Variants in ADAMTS15 observed in about 807,000 individuals in gnomAD.
The protein encoded by ADAMTS15 is ADAM metallopeptidase with thrombospondin type 1 motif 15.
A neutral mutation model predicts 79.1 loss-of-function variants in ADAMTS15; 35 were observed. The observed-to-expected ratio is 0.44, with a 90% CI of 0.34 to 0.59. The LOEUF (loss-of-function observed/expected upper bound fraction) is 0.59. Among genes scored for constraint, ADAMTS15 ranks in the 20% least tolerant of loss-of-function variants. The pLI, the probability that ADAMTS15 is intolerant of heterozygous loss-of-function variation, is 0.02. For missense variants in ADAMTS15, 1,324 were observed against 1,318.7 expected, an observed-to-expected ratio of 1.00 and a Z score of -0.06; for synonymous variants, 616 against 567.3, an observed-to-expected ratio of 1.09 and a Z score of -1.22.
intron 1 of ADAMTS15, among the ~76,000 whole-genome samples, chr11:130,456,624 A>G (rs117278389): frequency 0.023 from 3,504 of 152,328 alleles, 63 homozygotes; most frequent in South Asian, 0.062. Flanking sequence ...CAGTAGTAAT[A>G]CTAGCGCAGG....
chr11:130,456,154 G>A (rs1424603662), intron 1 of ADAMTS15, among the ~76,000 whole-genome samples: 2 of 152,140 alleles, frequency 1.3e-5, no homozygotes, highest in East Asian at 3.8e-4. Flanking sequence ...TCTTCCTACA[G>A]CTGTGAGGAT....
chr11:130,471,882 A>T (rs1453149222), intron 7 of ADAMTS15, among the ~76,000 whole-genome samples: 1 of 152,264 alleles, frequency 6.6e-6, no homozygotes, highest in Non-Finnish European at 1.5e-5. Context: ...GATGAGGCTG[A>T]ACGTGACAGC....
rs1228629218 is a variant in ADAMTS15, at chr11:130,472,099, G to T, written c.2078+716G>T. Among the ~76,000 whole-genome samples, 1 of 152,246 alleles carries T rather than the reference G, an allele frequency of 6.6e-6. No individual in the cohort carries two copies. ...AGGTCAAACATATGCTCCTTGGAAA[G>T]CCCTGACCCACGTTCTAGAAGAAGA... On this transcript the variant is annotated intron_variant, in intron 7 of 7. Transcript: ENST00000299164. The surrounding 1 kb of genome is among the most constrained non-coding windows in gnomAD (Gnocchi z 4.7).
At position 130,462,726 on chromosome 11, in the gene ADAMTS15, C is replaced by T. The variant is rs750077094; in HGVS notation, c.1488C>T (p.Gly496=). The change falls in exon 4 of 8, where the codon GGC becomes GGT. Residue 496 remains glycine (G), a synonymous_variant. Coordinates refer to ENST00000299164, the MANE Select transcript of ADAMTS15 (RefSeq NM_139055.4). This position sits in a 1 kb window ranked among gnomAD's most constrained non-coding sequence, Gnocchi z 4.3. ...CCGATGGCACCAGCTGTGGCGAGGGCAAGCTCTGCCTCAAAGGGGCCTGCG... is the reference window on the plus strand; with the variant it reads ...CCGATGGCACCAGCTGTGGCGAGGGTAAGCTCTGCCTCAAAGGGGCCTGCG... ...PWADGTSCGE[G]KLCLKGACVE... is the part of the protein sequence containing the mutation. The T allele has an allele frequency of 8.1e-6, 13 of 1,608,078 alleles. No individual in the cohort carries two copies. Among genetic ancestry groups the T allele is most frequent in the Non-Finnish European group, 9.4e-6 (11 of 1,175,206 alleles).
Position 130,462,610 on chromosome 11 carries a change from C to T in ADAMTS15, c.1372C>T (p.Pro458Ser). 4 of 1,613,972 alleles carry T rather than the reference C, an allele frequency of 2.5e-6. No homozygotes were observed. Among genetic ancestry groups the T allele is most frequent in the Non-Finnish European group, 3.4e-6 (4 of 1,179,932 alleles). The part of the protein sequence containing the change: ...CELAFGVGSK[P>S]CPYMQYCTKL... ...GCTGGCTTTTGGCGTGGGCTCCAAG[C>T]CCTGTCCTTACATGCAGTACTGCAC... The change falls in exon 4 of 8, where the codon CCC (proline) becomes TCC (serine). Residue 458 changes from proline to serine, a missense_variant. Physicochemically the swap from Pro to Ser is moderately conservative, Grantham distance 74 (BLOSUM62 -1). Transcript: ENST00000299164. The surrounding 1 kb of genome is among the most constrained non-coding windows in gnomAD (Gnocchi z 4.3).
chr11:130,449,093 C>T lies in ADAMTS15; in HGVS notation c.120C>T (p.Tyr40=), dbSNP rs774653442. 8 of 1,582,946 alleles carry T rather than the reference C, an allele frequency of 5.1e-6. No homozygotes were observed. In the South Asian group the frequency reaches 8.0e-5, roughly 16 times the overall value. ...RLDPDINGRR[Y]YWRGPEDSGD... is the part of the protein sequence containing the mutation. The stretch of plus-strand genomic sequence containing the variant: ...ACCCGGACATTAACGGCCGCCGCTA[C>T]TACTGGCGGGGTCCCGAGGACTCCG... Residue 40 remains tyrosine (Y), a synonymous_variant, in exon 1 of 8, where the codon TAC becomes TAT. Coordinates refer to ENST00000299164, the MANE Select transcript of ADAMTS15 (RefSeq NM_139055.4). This position sits in a 1 kb window ranked among gnomAD's most constrained non-coding sequence, Gnocchi z 7.8.
chr11:130,470,136 A>ATATATATATATATACG (rs1565397522), intron 5 of ADAMTS15, among the ~76,000 whole-genome samples: 9 of 63,986 alleles, frequency 1.4e-4, no homozygotes, highest in African/African-American at 4.6e-4. Flanking sequence ...ATATATACAT[A>ATATATATATATATACG]TATATATATA....
At chr11:130,455,809 G>A (rs1321073487) in intron 1 of ADAMTS15, among the ~76,000 whole-genome samples, 1 of 152,172 alleles carries the variant, frequency 6.6e-6, no homozygotes, top group Admixed American at 6.5e-5. Flanking sequence ...CAAGGAGCCG[G>A]GGGCTCGTTC....
At position 130,448,907 on chromosome 11, in the gene ADAMTS15, C is replaced by A; in HGVS notation, c.-67C>A. 7.8e-7 allele frequency: 1 copy of A among 1,289,250 alleles called. No homozygotes were observed. The highest frequency in any genetic ancestry group is 1.0e-6 in the Non-Finnish European group (1 of 977,734). 79.9% of individuals were successfully genotyped at this position (1,289,250 alleles called of 1,614,324 possible). On this transcript the variant is annotated 5_prime_UTR_variant, in exon 1 of 8. Coordinates refer to ENST00000299164, the MANE Select transcript of ADAMTS15 (RefSeq NM_139055.4). Reference sequence around the variant, plus strand: ...TTCCAGAGTGCGGGCTGCACGGAGACCGCGGCAGCGGCCGGAGAGCCCGGC... The same window carrying A: ...TTCCAGAGTGCGGGCTGCACGGAGAACGCGGCAGCGGCCGGAGAGCCCGGC...
In ADAMTS15 at chr11:130,468,026, C is replaced by T. The variant is rs1481390589; in HGVS notation, c.1543-1236C>T. ...CACGTCTATGGTGACATTTTTTATC[C>T]GCAGGGCTGGGGGTGGCCATGCCTT... On this transcript the variant is annotated intron_variant, in intron 4 of 7. Coordinates refer to ENST00000299164, the MANE Select transcript of ADAMTS15 (RefSeq NM_139055.4). Among the ~76,000 whole-genome samples, 10 of 152,120 alleles carry T rather than the reference C, an allele frequency of 6.6e-5. 1 individual carries two copies. The highest frequency in any genetic ancestry group is 6.2e-4 in the South Asian group (3 of 4,822).
intron 1 of ADAMTS15, among the ~76,000 whole-genome samples, chr11:130,460,346 G>A (rs546365296): frequency 2.5e-3 from 374 of 148,056 alleles, no homozygotes; most frequent in Non-Finnish European, 4.1e-3. Context: ...GTGTGATCTT[G>A]GCTCACTGCA....
chr11:130,469,167 G>T, intron 4 of ADAMTS15, 95 bp from the exon 5 acceptor site: 4 of 1,158,754 alleles, frequency 3.5e-6, no homozygotes, highest in Non-Finnish European at 4.5e-6. Flanking sequence ...GGTGGGATGA[G>T]AACTTGGAGG....
At chr11:130,455,016 A>G (rs1335233241) in intron 1 of ADAMTS15, among the ~76,000 whole-genome samples, 1 of 151,936 alleles carries the variant, frequency 6.6e-6, no homozygotes, top group Non-Finnish European at 1.5e-5. Flanking sequence ...GAAAGAACAC[A>G]GGCTTGGAGT....
chr11:130,461,657 G>A, intron 2 of ADAMTS15, 36 bp downstream of exon 2: 2 of 1,611,600 alleles, frequency 1.2e-6, no homozygotes. Flanking sequence ...GGTCTTCTGG[G>A]TTTGCCTGGG....
Position 130,462,924 on chromosome 11 carries a change from C to CAA in ADAMTS15, c.1542+144_1542+145insAA. On this transcript the variant is annotated intron_variant, in intron 4 of 7. Coordinates refer to ENST00000299164, the MANE Select transcript of ADAMTS15 (RefSeq NM_139055.4). This position sits in a 1 kb window ranked among gnomAD's most constrained non-coding sequence, Gnocchi z 4.3. Reference sequence around the variant, plus strand: ...AGCACTGTTGCATGGCTGAGCTGTGCCTTCACTGCCCTGTATATAGTCCTA... The same window carrying CAA: ...AGCACTGTTGCATGGCTGAGCTGTGCAACTTCACTGCCCTGTATATAGTCCTA... 9.1e-7 allele frequency: 1 copy of CAA among 1,093,134 alleles called. No homozygotes were observed. Among genetic ancestry groups the CAA allele is most frequent in the Non-Finnish European group, 1.3e-6 (1 of 770,182 alleles). 67.7% of individuals were successfully genotyped at this position (1,093,134 alleles called of 1,614,324 possible).
rs2134714065 is a variant in ADAMTS15 at position 130,449,964 on chromosome 11, A to G, written c.957+34A>G. ...ATCTGCCGTCACTTTGCACCCAGAT[A>G]GTCCCGTTCTTTAGGGTCACCTCCC... On this transcript the variant is annotated intron_variant, in intron 1 of 7. Transcript: ENST00000299164. This position sits in a 1 kb window ranked among gnomAD's most constrained non-coding sequence, Gnocchi z 7.8. 1 of 1,586,908 alleles carries G rather than the reference A, an allele frequency of 6.3e-7. No homozygotes were observed. The highest frequency in any genetic ancestry group is 8.5e-7 in the Non-Finnish European group (1 of 1,171,012).
Position 130,462,893 on chromosome 11 carries a change from G to C in ADAMTS15, c.1542+113G>C, listed in dbSNP as rs1378852509. ...AAGGTGCCTATCACAGACTGGCCAC[G>C]GGACCAGCACTGTTGCATGGCTGAG... On this transcript the variant is annotated intron_variant, in intron 4 of 7. Coordinates refer to ENST00000299164, the MANE Select transcript of ADAMTS15 (RefSeq NM_139055.4). This position sits in a 1 kb window ranked among gnomAD's most constrained non-coding sequence, Gnocchi z 4.3. The C allele has an allele frequency of 1.6e-5, 23 of 1,415,114 alleles. No individual in the cohort carries two copies. Among genetic ancestry groups the C allele is most frequent in the Non-Finnish European group, 2.2e-5 (23 of 1,043,986 alleles). The allele number at this position is 1,415,114 out of a possible 1,614,324, so 87.7% of individuals were successfully genotyped here.
Position 130,469,335 on chromosome 11 carries a change from C to T in ADAMTS15, c.1616C>T (p.Ala539Val). The T allele has an allele frequency of 7.3e-7, 1 of 1,374,662 alleles. No individual in the cohort carries two copies. The highest frequency in any genetic ancestry group is 9.5e-7 in the Non-Finnish European group (1 of 1,056,684). 85.2% of individuals were successfully genotyped at this position (1,374,662 alleles called of 1,614,324 possible). A position where few individuals can be genotyped will look rare whatever the true frequency, so the allele number is the denominator to read the frequency against. Residue 539 changes from alanine to valine, a missense_variant, in exon 5 of 8, where the codon GCC becomes GTC. Transcript: ENST00000299164. ...ACATGTGGTGGGGGCGTGCAGCTGG[C>T]CAGGAGGCAGTGCACCAACCCCACC... Reference protein sequence around the residue: ...SRTCGGGVQLARRQCTNPTPA... With the variant: ...SRTCGGGVQLVRRQCTNPTPA...
chr11:130,449,499 G>T lies in ADAMTS15; in HGVS notation c.526G>T (p.Val176Leu). Residue 176 changes from valine to leucine, a missense_variant, in exon 1 of 8, where the codon GTG (valine) becomes TTG (leucine). By Grantham distance (32) the Val-to-Leu change is conservative. Coordinates refer to ENST00000299164, the MANE Select transcript of ADAMTS15 (RefSeq NM_139055.4). The surrounding 1 kb of genome is among the most constrained non-coding windows in gnomAD (Gnocchi z 7.8). ...PSGDPTSRCG[V>L]ASGWNPAILR... ...CGGAGACCCCACCTCTCGCTGCGGG[G>T]TGGCCTCGGGCTGGAACCCCGCCAT... 6.4e-7 allele frequency: 1 copy of T among 1,555,434 alleles called. No individual in the cohort carries two copies. Among genetic ancestry groups the T allele is most frequent in the Non-Finnish European group, 8.7e-7 (1 of 1,153,074 alleles).
Sources: gnomAD v4.1 joint callset for allele counts (sites outside exome capture counted in the v4.1 genomes callset) on GRCh38, gnomAD v4.1.1 for gene constraint, Gnocchi (gnomAD v3.1) non-coding constraint, MANE v1.5 for transcripts, NCBI Gene and HGNC (gene_info 2026-07-23, HGNC 2026-07-21) for gene names.